GJB7: variants seen among roughly 807,000 people sequenced by gnomAD.
GJB7 encodes the protein gap junction beta-7 protein.
For missense variants in GJB7, 253 were observed against 256.8 expected (o/e 0.99, Z 0.10); for synonymous variants, 87 against 95.2 (o/e 0.91, Z 0.50).
At chr6:87,305,384 A>G (rs1414180220) in intron 2 of GJB7, among the ~76,000 whole-genome samples, 1 of 152,132 alleles carries the variant, frequency 6.6e-6, no homozygotes, top group African/African-American at 2.4e-5. Context: ...CACCAATAAC[A>G]GACAAACATA....
At chr6:87,315,659 A>G (rs1043659353) in intron 2 of GJB7, among the ~76,000 whole-genome samples, 1 of 151,982 alleles carries the variant, frequency 6.6e-6, no homozygotes, top group African/African-American at 2.4e-5. Flanking sequence ...AGCAGGGCAT[A>G]GTGGGGTGTG....
In GJB7 at chr6:87,328,430, G is replaced by C. The variant is rs139090680; in HGVS notation, c.-206+708C>G. On this transcript the variant is annotated intron_variant, in intron 1 of 2. Coordinates refer to ENST00000525899, the MANE Select transcript of GJB7 (RefSeq NM_198568.3). ...GATGGTGATGTACAGATGGGTTTTT[G>C]GTGTGGATGTCCTTTCTGTTTGTTA... Among the ~76,000 whole-genome samples the C allele has an allele frequency of 6.2e-3, 939 of 152,048 alleles. 15 individuals are homozygous for C. The highest frequency in any genetic ancestry group is 0.022 in the African/African-American group (893 of 41,422).
intron 1 of GJB7, among the ~76,000 whole-genome samples, chr6:87,326,580 A>G (rs1409971346): frequency 6.7e-6 from 1 of 148,858 alleles, no homozygotes; most frequent in Non-Finnish European, 1.5e-5. Flanking sequence ...AGTGGTTTTG[A>G]GTGAGATTCT....
At chr6:87,298,956 A>C in intron 2 of GJB7, 1 of 453,826 alleles carries the variant, frequency 2.2e-6, no homozygotes, top group South Asian at 1.8e-5. Context: ...TGATTGATCA[A>C]CTGGGGAAGT....
rs545123336 is a variant in GJB7 at position 87,293,700 on chromosome 6, G to A, written c.-27-8761C>T. Among the ~76,000 whole-genome samples the A allele has an allele frequency of 3.9e-5, 6 of 152,342 alleles. 2 individuals are homozygous for A. Among genetic ancestry groups the A allele is most frequent in the African/African-American group, 1.2e-4 (5 of 41,578 alleles). The stretch of plus-strand genomic sequence containing the variant: ...AGCGGGGCTGAGGACGTTTGTTGTT[G>A]CCACAACCTTGAAGGTGACTGTACT... On this transcript the variant is annotated intron_variant, in intron 2 of 2. Coordinates refer to ENST00000525899, the MANE Select transcript of GJB7 (RefSeq NM_198568.3).
intron 2 of GJB7, among the ~76,000 whole-genome samples, chr6:87,312,236 G>A (rs148142996): frequency 1.2e-3 from 176 of 146,058 alleles, no homozygotes; most frequent in Non-Finnish European, 2.1e-3. Flanking sequence ...TGGTCGGGCC[G>A]GGTGCAGTGG....
intron 2 of GJB7, among the ~76,000 whole-genome samples, chr6:87,301,482 A>T (rs1776325713): frequency 6.6e-6 from 1 of 152,032 alleles, no homozygotes; most frequent in Admixed American, 6.6e-5. Flanking sequence ...AGGGTGGGGG[A>T]TGGGCGCCCG....
chr6:87,283,079 AAAGT>A lies in GJB7; in HGVS notation c.*1158_*1161del, dbSNP rs1451451379. Reference sequence around the variant, plus strand: ...CTGTGAATTGCTAAGAAAATATAGAAAAGTAAAGAAAGTTCTAGTCTTCAAAACA... The same window carrying A: ...CTGTGAATTGCTAAGAAAATATAGAAAAAGAAAGTTCTAGTCTTCAAAACA... On this transcript the variant is annotated 3_prime_UTR_variant, in exon 3 of 3. Transcript: ENST00000525899. 2.1e-5 allele frequency: 3 copies of A among 144,490 alleles called. No homozygotes were observed. The highest frequency in any genetic ancestry group is 4.6e-5 in the Non-Finnish European group (3 of 64,664). The allele number at this position is 144,490 out of a possible 1,614,324, so 9.0% of individuals were successfully genotyped here. A position where few individuals can be genotyped will look rare whatever the true frequency, so the allele number is the denominator to read the frequency against.
chr6:87,296,104 T>G (rs976033025), intron 2 of GJB7, among the ~76,000 whole-genome samples: 7 of 152,218 alleles, frequency 4.6e-5, no homozygotes, highest in African/African-American at 1.7e-4. Context: ...TAGAGCCAAC[T>G]AATGTATTTG....
At chr6:87,317,112 T>C (rs1776594709) in intron 2 of GJB7, among the ~76,000 whole-genome samples, 1 of 151,316 alleles carries the variant, frequency 6.6e-6, no homozygotes, top group African/African-American at 2.4e-5. Flanking sequence ...CTCAGCACTT[T>C]GGGAGGCTGA....
intron 2 of GJB7, among the ~76,000 whole-genome samples, chr6:87,320,910 A>C (rs1776647903): frequency 6.6e-6 from 1 of 152,136 alleles, no homozygotes; most frequent in African/African-American, 2.4e-5. Flanking sequence ...AAAAGATGTC[A>C]GACTCTCTGG....
chr6:87,288,542 TCATCTC>T (rs1776107993), intron 2 of GJB7, among the ~76,000 whole-genome samples: 2 of 152,206 alleles, frequency 1.3e-5, no homozygotes, highest in South Asian at 4.1e-4. Flanking sequence ...TGCCTTCTTA[TCATCTC>T]CAATAGGATG....
intron 2 of GJB7, among the ~76,000 whole-genome samples, chr6:87,310,265 T>A (rs1776496410): frequency 6.6e-6 from 1 of 152,168 alleles, no homozygotes; most frequent in Non-Finnish European, 1.5e-5. Context: ...AAAAGATTTC[T>A]TAGATATGAT....
At position 87,284,547 on chromosome 6, in the gene GJB7, G is replaced by A. The variant is rs760085047; in HGVS notation, c.366C>T (p.Tyr122=). ...SPGTMDGGLW[Y]AYLISLIVKT... ...TAACAATGAGGCTGATAAGATAAGC[G>A]TACCATAGGCCCCCATCCATTGTAC... The change falls in exon 3 of 3, where the codon TAC becomes TAT. Residue 122 remains tyrosine (Y), a synonymous_variant. Coordinates refer to ENST00000525899, the MANE Select transcript of GJB7 (RefSeq NM_198568.3). The A allele has an allele frequency of 7.4e-6, 12 of 1,613,974 alleles. No individual in the cohort carries two copies. In the East Asian group the frequency reaches 1.6e-4, roughly 21 times the overall value.
At chr6:87,287,119 CA>C (rs1164419237) in intron 2 of GJB7, among the ~76,000 whole-genome samples, 1 of 152,188 alleles carries the variant, frequency 6.6e-6, no homozygotes, top group East Asian at 1.9e-4. Flanking sequence ...AGAGAGAAGA[CA>C]AAATCTTCCC....
intron 2 of GJB7, among the ~76,000 whole-genome samples, chr6:87,304,240 C>G (rs920519416): frequency 2.0e-5 from 3 of 152,042 alleles, no homozygotes; most frequent in Non-Finnish European, 4.4e-5. Context: ...AATCCAGGAG[C>G]TGGTTTTTTG....
intron 2 of GJB7, among the ~76,000 whole-genome samples, chr6:87,293,677 C>T (rs776036326): frequency 6.6e-6 from 1 of 152,212 alleles, no homozygotes; most frequent in Non-Finnish European, 1.5e-5. Flanking sequence ...CTAGCAGCAG[C>T]GGGGCTGAGG....
chr6:87,329,048 G>A (rs1198487579), intron 1 of GJB7, 90 bp downstream of exon 1: 1 of 152,874 alleles, frequency 6.5e-6, no homozygotes, highest in African/African-American at 2.4e-5. Flanking sequence ...TCTTTGACTA[G>A]GAGAGGGAAC....
chr6:87,303,361 A>C (rs922287858), intron 2 of GJB7, among the ~76,000 whole-genome samples: 2 of 152,200 alleles, frequency 1.3e-5, no homozygotes, highest in Non-Finnish European at 2.9e-5. Context: ...AGCAAAAAAA[A>C]GAAGGGGTTA....
Sources: gnomAD v4.1 joint callset for allele counts (sites outside exome capture counted in the v4.1 genomes callset) on GRCh38, gnomAD v4.1.1 for gene constraint, MANE v1.5 for transcripts, NCBI Gene and HGNC (gene_info 2026-07-23, HGNC 2026-07-21) for gene names.